The following CSMD1 variants were observed in gnomAD, a reference collection of about 807,000 sequenced individuals.
CSMD1 encodes CUB and Sushi multiple domains 1, also known as CUB and sushi domain-containing protein 1.
In CSMD1, 213 loss-of-function variants were observed where a neutral mutation model predicts 417.5. That is an observed-to-expected ratio of 0.51 (90% confidence interval 0.46 to 0.57). CSMD1 has a LOEUF of 0.57. Ranked by LOEUF, CSMD1 falls within the 20% of genes least tolerant of loss-of-function variation. The pLI is 0.00. For missense variants in CSMD1, 6,923 were observed against 4,529.7 expected, an observed-to-expected ratio of 1.53 and a Z score of -15.17; for synonymous variants, 2,862 against 1,736.8, an observed-to-expected ratio of 1.65 and a Z score of -16.11.
At chr8:2,960,673 T>C (rs981358987) in intron 62 of CSMD1, among the ~76,000 whole-genome samples, 28 of 152,174 alleles carry the variant, frequency 1.8e-4, no homozygotes, top group Non-Finnish European at 2.8e-4. Flanking sequence ...ATTTCACAAG[T>C]AAGTTTAGAC....
intron 1 of CSMD1, among the ~76,000 whole-genome samples, chr8:4,883,387 G>A (rs1803536678): frequency 6.6e-6 from 1 of 151,954 alleles, no homozygotes; most frequent in African/African-American, 2.4e-5. Context: ...CGTTTCAGTG[G>A]TTTTCAGTAT....
Position 4,490,745 on chromosome 8 carries a change from C to G in CSMD1, c.303-70680G>C, listed in dbSNP as rs563690225. On this transcript the variant is annotated intron_variant, in intron 2 of 69. Transcript: ENST00000635120. ...ACAGAGGCCAGAAGCCAGGATAACC[C>G]AGGGTCAGATTGTGCACTAGCTCCA... Among the ~76,000 whole-genome samples the G allele has an allele frequency of 2.0e-5, 3 of 152,276 alleles. No homozygotes were observed. The East Asian group carries it at 5.8e-4, about 29-fold the overall frequency.
intron 3 of CSMD1, among the ~76,000 whole-genome samples, chr8:4,128,106 C>A (rs1183646768): frequency 1.3e-5 from 2 of 152,172 alleles, no homozygotes; most frequent in Non-Finnish European, 2.9e-5. Flanking sequence ...TCACATGCAT[C>A]TGGCAAACAC....
chr8:4,317,859 A>C (rs1056594324), intron 3 of CSMD1, among the ~76,000 whole-genome samples: 21 of 152,196 alleles, frequency 1.4e-4, no homozygotes, highest in Non-Finnish European at 5.9e-5. Context: ...AGTTAAACCG[A>C]ATTTTGGCAG....
At chr8:4,735,622 G>C (rs1031854322) in intron 1 of CSMD1, among the ~76,000 whole-genome samples, 2 of 152,134 alleles carry the variant, frequency 1.3e-5, no homozygotes, top group Non-Finnish European at 1.5e-5. Flanking sequence ...TACTAGCAAT[G>C]ATGATGAGAA....
At chr8:4,632,356 T>TA (rs1035287319) in intron 2 of CSMD1, among the ~76,000 whole-genome samples, 18 of 150,830 alleles carry the variant, frequency 1.2e-4, no homozygotes, top group Non-Finnish European at 1.5e-4. Flanking sequence ...CTACTAAAAA[T>TA]AAAAAAATTA....
intron 3 of CSMD1, among the ~76,000 whole-genome samples, chr8:4,102,283 G>A (rs17068998): frequency 1.3e-5 from 2 of 152,046 alleles, no homozygotes; most frequent in African/African-American, 4.8e-5. Context: ...TTATAAGGAA[G>A]ATCAGAGAAA....
chr8:3,781,139 G>T (rs1021666659), intron 5 of CSMD1, among the ~76,000 whole-genome samples: 2 of 152,184 alleles, frequency 1.3e-5, no homozygotes, highest in African/African-American at 2.4e-5. Context: ...TGGAGTTCAT[G>T]ATCAAGGTTG....
chr8:3,779,886 A>AT (rs912193990), intron 5 of CSMD1, among the ~76,000 whole-genome samples: 3 of 152,078 alleles, frequency 2.0e-5, no homozygotes, highest in South Asian at 2.1e-4. Flanking sequence ...AGTTTCATTT[A>AT]TTTTTTTCTC....
At chr8:3,440,539 T>C (rs1814908354) in intron 12 of CSMD1, among the ~76,000 whole-genome samples, 1 of 152,112 alleles carries the variant, frequency 6.6e-6, no homozygotes, top group African/African-American at 2.4e-5. Flanking sequence ...GCTCTAAGAG[T>C]TTATCTGTGA....
rs187977955 is a variant in CSMD1, at chr8:3,207,289, C to T, written c.4868-1669G>A. 4.4e-4 allele frequency among the ~76,000 whole-genome samples: 67 copies of T among 150,616 alleles called. 1 individual carries two copies. In the Middle Eastern group the frequency reaches 0.014, roughly 31 times the overall value. On this transcript the variant is annotated intron_variant, in intron 30 of 69. Coordinates refer to ENST00000635120, the MANE Select transcript of CSMD1 (RefSeq NM_033225.6). ...AGCCTCCCGAGTAGCTGCAATTACT[C>T]GGCGCCCGCCAACACACCTGGCTGA...
chr8:3,581,750 T>C (rs1800392001), intron 9 of CSMD1, among the ~76,000 whole-genome samples: 1 of 152,214 alleles, frequency 6.6e-6, no homozygotes, highest in Admixed American at 6.5e-5. Flanking sequence ...TCAGGCCACC[T>C]TTAGAGGCTA....
intron 1 of CSMD1, among the ~76,000 whole-genome samples, chr8:4,863,009 G>A (rs1802226913): frequency 6.6e-6 from 1 of 152,050 alleles, no homozygotes; most frequent in South Asian, 2.1e-4. Flanking sequence ...CGTAGATCAA[G>A]GGGAACACAC....
chr8:4,033,265 C>T (rs1171330094), intron 3 of CSMD1, among the ~76,000 whole-genome samples: 2 of 151,652 alleles, frequency 1.3e-5, no homozygotes, highest in South Asian at 4.2e-4. Flanking sequence ...ACGGTGAAAC[C>T]CTGTCTCTAC....
At chr8:4,224,670 A>C (rs1801237834) in intron 3 of CSMD1, among the ~76,000 whole-genome samples, 1 of 152,198 alleles carries the variant, frequency 6.6e-6, no homozygotes, top group South Asian at 2.1e-4. Context: ...AGAATTCCCC[A>C]CTGCTCAATT....
intron 42 of CSMD1, 135 bp from the exon 43 acceptor site, chr8:3,110,470 C>A: frequency 1.5e-6 from 1 of 681,084 alleles, no homozygotes; most frequent in South Asian, 3.0e-5. Flanking sequence ...TCTGAATCAC[C>A]ATTTTGTCAA....
chr8:4,541,186 G>C lies in CSMD1; in HGVS notation c.302+96156C>G, dbSNP rs184388754. Reference sequence around the variant, plus strand: ...CAGGGCTCAATTTCATGAATTTCCAGCTGCATCTAGGGACTGGAAGTCCCA... The same window carrying C: ...CAGGGCTCAATTTCATGAATTTCCACCTGCATCTAGGGACTGGAAGTCCCA... On this transcript the variant is annotated intron_variant, in intron 2 of 69. Coordinates refer to ENST00000635120, the MANE Select transcript of CSMD1 (RefSeq NM_033225.6). Among the ~76,000 whole-genome samples, 353 of 152,088 alleles carry C rather than the reference G, an allele frequency of 2.3e-3. 2 individuals are homozygous for C. Among genetic ancestry groups the C allele is most frequent in the African/African-American group, 8.0e-3 (332 of 41,470 alleles).
chr8:3,412,301 T>C (rs1479961860), intron 12 of CSMD1, among the ~76,000 whole-genome samples: 2 of 151,960 alleles, frequency 1.3e-5, no homozygotes, highest in African/African-American at 4.8e-5. Context: ...TATAAATATG[T>C]GTGTGCAAGT....
rs117734270 is a variant in CSMD1 at position 3,988,130 on chromosome 8, T to C, written c.818+9773A>G. Among the ~76,000 whole-genome samples the C allele has an allele frequency of 6.5e-3, 985 of 152,288 alleles. 6 individuals are homozygous for C. Among genetic ancestry groups the C allele is most frequent in the Non-Finnish European group, 0.01 (690 of 68,018 alleles). ...CCCTTTTGATGTCACCTCTTATTCA[T>C]AGTCATCTGCTGGGCAGTTGGGCTG... On this transcript the variant is annotated intron_variant, in intron 5 of 69. Transcript: ENST00000635120.
Sources: allele counts gnomAD v4.1 joint callset (sites outside exome capture counted in the v4.1 genomes callset), GRCh38; gene constraint gnomAD v4.1.1; transcripts MANE v1.5; gene names NCBI Gene and HGNC (gene_info 2026-07-23, HGNC 2026-07-21).